Variants in AFF3 observed in about 807,000 individuals in gnomAD.
AFF3 encodes the protein ALF transcription elongation factor 3.
A neutral mutation model predicts 129.7 loss-of-function variants in AFF3; 32 were observed. The observed-to-expected ratio is 0.25, with a 90% confidence interval of 0.19 to 0.33. AFF3 has a LOEUF of 0.33. Among genes scored for constraint, AFF3 ranks in the 10% least tolerant of loss-of-function variants. AFF3 has a pLI of 1.00. For missense variants in AFF3, 1,373 were observed against 1,592.0 expected (o/e 0.86, Z 2.34); for synonymous variants, 644 against 635.4 (o/e 1.01, Z -0.20).
chr2:100,014,161 G>A (rs943667536), intron 4 of AFF3, among the ~76,000 whole-genome samples: 2 of 151,704 alleles, frequency 1.3e-5, no homozygotes, highest in African/African-American at 4.8e-5. Flanking sequence ...ATTTCCCATG[G>A]AGGAGACTTT....
chr2:100,009,003 T>A (rs746349389), intron 4 of AFF3, 71 bp from the exon 5 acceptor site: 93 of 1,567,218 alleles, frequency 5.9e-5, no homozygotes, highest in Non-Finnish European at 7.8e-5. Flanking sequence ...GTAACACTTG[T>A]GTGAGTGCAG....
intron 12 of AFF3, among the ~76,000 whole-genome samples, chr2:99,653,335 A>G (rs1260752298): frequency 3.3e-5 from 5 of 152,198 alleles, no homozygotes; most frequent in Non-Finnish European, 7.3e-5. Context: ...TGTAACTAAA[A>G]GTTCAATAGA....
chr2:100,001,322 C>T (rs62149309), intron 7 of AFF3, among the ~76,000 whole-genome samples: 5 of 152,326 alleles, frequency 3.3e-5, no homozygotes, highest in Admixed American at 6.5e-5. Context: ...TTCACACACA[C>T]GATACATTTT....
At chr2:99,760,796 C>T (rs1003912656) in intron 8 of AFF3, among the ~76,000 whole-genome samples, 1 of 152,196 alleles carries the variant, frequency 6.6e-6, no homozygotes, top group Non-Finnish European at 1.5e-5. Context: ...ACTCCCCTGC[C>T]CTTTCTTTGC....
chr2:99,710,185 G>A (rs1677768855), intron 11 of AFF3, among the ~76,000 whole-genome samples: 1 of 152,196 alleles, frequency 6.6e-6, no homozygotes, highest in Non-Finnish European at 1.5e-5. Context: ...TGTCCCTGCA[G>A]AATTGTTACA....
At chr2:99,657,579 C>T (rs1201653744) in intron 12 of AFF3, among the ~76,000 whole-genome samples, 2 of 152,158 alleles carry the variant, frequency 1.3e-5, no homozygotes, top group South Asian at 2.1e-4. Flanking sequence ...CTGTTTGCCA[C>T]GATCTCCAAT....
rs1239833064 is a variant in AFF3, at chr2:100,104,691, C to T, written c.-64-173G>A. 3 of 970,474 alleles carry T rather than the reference C, an allele frequency of 3.1e-6. No homozygotes were observed. The African/African-American group carries it at 5.8e-5, about 19-fold the overall frequency. The allele number at this position is 970,474 out of a possible 1,614,324, so 60.1% of individuals were successfully genotyped here. The stretch of plus-strand genomic sequence containing the variant: ...ACCCGCTCCCCGGCTTGCGCGCAGG[C>T]ACACTCAAGAGAGAGCAGCGAGCTC... On this transcript the variant is annotated intron_variant, in intron 3 of 24. Coordinates refer to ENST00000672756, the MANE Select transcript of AFF3 (RefSeq NM_001386135.1).
chr2:99,960,000 T>A (rs1677067199), intron 7 of AFF3, among the ~76,000 whole-genome samples: 1 of 152,092 alleles, frequency 6.6e-6, no homozygotes, highest in African/African-American at 2.4e-5. Flanking sequence ...ACTGTTACAT[T>A]TCCAGTGTCT....
chr2:100,049,238 A>G (rs1192148062), intron 4 of AFF3, among the ~76,000 whole-genome samples: 1 of 152,272 alleles, frequency 6.6e-6, no homozygotes, highest in East Asian at 1.9e-4. Context: ...ATAGTGTGAC[A>G]CCGTGTACTT....
intron 4 of AFF3, among the ~76,000 whole-genome samples, chr2:100,049,235 G>A (rs942221078): frequency 2.0e-5 from 3 of 152,172 alleles, no homozygotes; most frequent in Non-Finnish European, 4.4e-5. Context: ...GGGATAGTGT[G>A]ACACCGTGTA....
At chr2:99,643,051 A>C (rs1467792912) in intron 13 of AFF3, among the ~76,000 whole-genome samples, 2 of 144,334 alleles carry the variant, frequency 1.4e-5, no homozygotes, top group Non-Finnish European at 3.0e-5. Context: ...GGCATACTTA[A>C]AAGATTTTTT....
chr2:99,974,297 C>A (rs559077994), intron 7 of AFF3, among the ~76,000 whole-genome samples: 1 of 152,272 alleles, frequency 6.6e-6, no homozygotes, highest in South Asian at 2.1e-4. Context: ...TCGGAAACCT[C>A]AGCAAGAGGA....
At chr2:100,002,260 T>G (rs897250024) in intron 7 of AFF3, among the ~76,000 whole-genome samples, 2 of 152,240 alleles carry the variant, frequency 1.3e-5, no homozygotes, top group Non-Finnish European at 2.9e-5. Flanking sequence ...TGGTGCCGAC[T>G]TTCATTTGGA....
At chr2:100,065,425 C>T (rs570866799) in intron 4 of AFF3, among the ~76,000 whole-genome samples, 3 of 152,170 alleles carry the variant, frequency 2.0e-5, no homozygotes, top group East Asian at 1.9e-4. Flanking sequence ...AACACAAGTA[C>T]GATATGCATA....
At chr2:99,988,553 GT>G (rs1157224525) in intron 7 of AFF3, among the ~76,000 whole-genome samples, 2 of 152,144 alleles carry the variant, frequency 1.3e-5, no homozygotes, top group African/African-American at 4.8e-5. Flanking sequence ...AATTCTATGG[GT>G]TGCTTTGCAA....
intron 20 of AFF3, among the ~76,000 whole-genome samples, chr2:99,562,264 T>C (rs1675542633): frequency 6.6e-6 from 1 of 152,272 alleles, no homozygotes; most frequent in Non-Finnish European, 1.5e-5. Context: ...TCCTACTCTC[T>C]ATTCCTCTCC....
intron 9 of AFF3, among the ~76,000 whole-genome samples, chr2:99,750,143 G>A (rs1226765103): frequency 2.0e-5 from 3 of 152,152 alleles, no homozygotes; most frequent in Non-Finnish European, 4.4e-5. Flanking sequence ...CATAAAAAAG[G>A]TTTGCAAGAA....
At chr2:100,025,587 C>T (rs751058187) in intron 4 of AFF3, among the ~76,000 whole-genome samples, 2 of 152,026 alleles carry the variant, frequency 1.3e-5, no homozygotes, top group African/African-American at 4.8e-5. Context: ...GCCCACATAG[C>T]CAAAGCAAGA....
intron 11 of AFF3, among the ~76,000 whole-genome samples, chr2:99,723,693 C>T (rs1014588373): frequency 3.3e-5 from 5 of 152,196 alleles, no homozygotes; most frequent in African/African-American, 7.2e-5. Flanking sequence ...GATTACTCTG[C>T]CCCTTAATGT....
Sources: allele counts gnomAD v4.1 joint callset (sites outside exome capture counted in the v4.1 genomes callset), GRCh38; gene constraint gnomAD v4.1.1; transcripts MANE v1.5; gene names NCBI Gene and HGNC (gene_info 2026-07-23, HGNC 2026-07-21).